The following SEMA5A variants were observed in gnomAD, a reference collection of about 807,000 sequenced individuals.
The protein encoded by SEMA5A is semaphorin 5A, also known as semaphorin-5A.
In SEMA5A, 55 loss-of-function variants were observed where a neutral mutation model predicts 135.5. The ratio of observed to expected loss-of-function variants is 0.41; its 90% confidence interval spans 0.33 to 0.51. The LOEUF (loss-of-function observed/expected upper bound fraction) is 0.51, where lower values mean the gene tolerates loss of function less well. Ranked by LOEUF, SEMA5A falls within the 20% of genes least tolerant of loss-of-function variation. SEMA5A has a pLI of 0.37. For synonymous variants in SEMA5A, 580 were observed against 546.5 expected (o/e 1.06, Z -0.85); for missense variants, 1,290 against 1,419.9 (o/e 0.91, Z 1.47).
intron 2 of SEMA5A, among the ~76,000 whole-genome samples, chr5:9,388,992 A>T (rs1756029306): frequency 6.6e-6 from 1 of 152,204 alleles, no homozygotes; most frequent in South Asian, 2.1e-4. Flanking sequence ...CAACACAGAA[A>T]AGCAATGCTA....
chr5:9,500,343 A>T (rs1010233518), intron 1 of SEMA5A, among the ~76,000 whole-genome samples: 1 of 152,250 alleles, frequency 6.6e-6, no homozygotes, highest in Admixed American at 6.5e-5. Context: ...CTGAAGTGAT[A>T]TTCTTTCCAA....
intron 2 of SEMA5A, among the ~76,000 whole-genome samples, chr5:9,384,104 C>T (rs1755727444): frequency 6.6e-6 from 1 of 152,156 alleles, no homozygotes. Context: ...GTACTGTAAA[C>T]TGTCATTACA....
chr5:9,060,018 T>C (rs1029284685), intron 18 of SEMA5A, among the ~76,000 whole-genome samples: 2 of 152,154 alleles, frequency 1.3e-5, no homozygotes, highest in Non-Finnish European at 2.9e-5. Context: ...TCCTGGTGAC[T>C]GTGCAGCTCA....
At chr5:9,206,557 C>T (rs1474828504) in intron 8 of SEMA5A, among the ~76,000 whole-genome samples, 1 of 152,036 alleles carries the variant, frequency 6.6e-6, no homozygotes, top group Non-Finnish European at 1.5e-5. Flanking sequence ...ATTCCAATGC[C>T]TAAAGCATCA....
In SEMA5A at chr5:9,036,320, T is replaced by G. The variant is rs1735652268; in HGVS notation, c.*6577A>C. On this transcript the variant is annotated 3_prime_UTR_variant, in exon 23 of 23. Coordinates refer to ENST00000382496, the MANE Select transcript of SEMA5A (RefSeq NM_003966.3). ...TACTATTACTTTTCTTAACCCAAAT[T>G]AAGAGTGACAACTTTTGTGAACTTG... 6.6e-6 allele frequency: 1 copy of G among 152,180 alleles called. No individual in the cohort carries two copies. Among genetic ancestry groups the G allele is most frequent in the African/African-American group, 2.4e-5 (1 of 41,436 alleles). The allele number at this position is 152,180 out of a possible 1,614,324, so 9.4% of individuals were successfully genotyped here. A position where few individuals can be genotyped will look rare whatever the true frequency, so the allele number is the denominator to read the frequency against.
chr5:9,333,395 G>T (rs759078178), intron 4 of SEMA5A, among the ~76,000 whole-genome samples: 3 of 152,208 alleles, frequency 2.0e-5, no homozygotes, highest in Non-Finnish European at 4.4e-5. Context: ...AAGTTAGTTG[G>T]CATTTGGAAT....
rs576607855 is a variant in SEMA5A, at chr5:9,514,534, T to C, written c.-175+31050A>G. On this transcript the variant is annotated intron_variant, in intron 1 of 22. Coordinates refer to ENST00000382496, the MANE Select transcript of SEMA5A (RefSeq NM_003966.3). ...TGCTCATGTCCCTGATATGTAATAG[T>C]GTAGCATTTCCATATAACCTATGCA... 2.0e-5 allele frequency among the ~76,000 whole-genome samples: 3 copies of C among 152,358 alleles called. No homozygotes were observed. In the South Asian group the frequency reaches 6.2e-4, roughly 32 times the overall value.
chr5:9,325,209 G>T (rs1216848489), intron 4 of SEMA5A, among the ~76,000 whole-genome samples: 2 of 151,128 alleles, frequency 1.3e-5, no homozygotes, highest in Non-Finnish European at 2.9e-5. Flanking sequence ...ATAAAAACAT[G>T]AGTTTTTTCT....
At chr5:9,411,167 A>G (rs1757094289) in intron 2 of SEMA5A, among the ~76,000 whole-genome samples, 1 of 152,246 alleles carries the variant, frequency 6.6e-6, no homozygotes, top group Non-Finnish European at 1.5e-5. Context: ...GCTGCCTAAT[A>G]GAAATCAAGT....
At chr5:9,438,233 C>T (rs1226643319) in intron 1 of SEMA5A, among the ~76,000 whole-genome samples, 4 of 138,584 alleles carry the variant, frequency 2.9e-5, no homozygotes, top group East Asian at 4.9e-4. Context: ...TTTCATGACT[C>T]ATTCCACTTT....
intron 6 of SEMA5A, among the ~76,000 whole-genome samples, chr5:9,231,961 G>A (rs762894803): frequency 7.2e-5 from 11 of 152,118 alleles, no homozygotes; most frequent in Non-Finnish European, 1.5e-4. Flanking sequence ...ACATTAAAAT[G>A]ACCCATGTGG....
At chr5:9,345,089 A>G (rs1753804086) in intron 3 of SEMA5A, among the ~76,000 whole-genome samples, 1 of 152,190 alleles carries the variant, frequency 6.6e-6, no homozygotes, top group African/African-American at 2.4e-5. Flanking sequence ...TTTGACAAGT[A>G]TTTATGGTAT....
intron 1 of SEMA5A, among the ~76,000 whole-genome samples, chr5:9,516,336 C>T (rs1280478385): frequency 1.3e-5 from 2 of 152,138 alleles, no homozygotes; most frequent in East Asian, 1.9e-4. Context: ...TTTTGCCCAT[C>T]ACATGGAGAA....
chr5:9,052,078 A>G, intron 19 of SEMA5A, 50 bp from the exon 20 acceptor site: 1 of 1,501,394 alleles, frequency 6.7e-7, no homozygotes, highest in Non-Finnish European at 8.9e-7. Flanking sequence ...AGTAAGCTCA[A>G]TCATCCTAGA....
intron 11 of SEMA5A, among the ~76,000 whole-genome samples, chr5:9,189,350 G>T (rs1322190362): frequency 2.7e-5 from 4 of 147,100 alleles, no homozygotes; most frequent in Non-Finnish European, 5.9e-5. Flanking sequence ...TGTTTCAAAT[G>T]AACTCCACAA....
chr5:9,164,834 C>T (rs1032723385), intron 11 of SEMA5A, among the ~76,000 whole-genome samples: 2 of 152,002 alleles, frequency 1.3e-5, no homozygotes, highest in Admixed American at 1.3e-4. Context: ...TTAGCTCCAT[C>T]AACATTTGAA....
At chr5:9,311,568 G>T (rs1752135530) in intron 5 of SEMA5A, among the ~76,000 whole-genome samples, 1 of 124,154 alleles carries the variant, frequency 8.1e-6, no homozygotes, top group Non-Finnish European at 1.6e-5. Flanking sequence ...ACAGGAAGGG[G>T]AACATCACAC....
chr5:9,203,921 G>A (rs1291835256), intron 8 of SEMA5A, among the ~76,000 whole-genome samples: 1 of 151,888 alleles, frequency 6.6e-6, no homozygotes, highest in East Asian at 1.9e-4. Flanking sequence ...CACAAAAACA[G>A]CAGATTACAT....
intron 5 of SEMA5A, among the ~76,000 whole-genome samples, chr5:9,258,803 C>CTT (rs748703578): frequency 0.3 from 14,741 of 48,340 alleles, 3,385 homozygotes; most frequent in African/African-American, 0.36. Context: ...TTCTTTCTTT[C>CTT]TTTTTTTTTT....
Sources: gnomAD v4.1 joint callset for allele counts (sites outside exome capture counted in the v4.1 genomes callset) on GRCh38, gnomAD v4.1.1 for gene constraint, MANE v1.5 for transcripts, NCBI Gene and HGNC (gene_info 2026-07-23, HGNC 2026-07-21) for gene names.